Variants in NELL1 observed in about 807,000 individuals in gnomAD.
NELL1 encodes neural EGFL like 1.
Under a neutral mutation model 107.4 loss-of-function variants are expected in NELL1, and 76 were observed. The observed-to-expected ratio is 0.71, with a 90% CI of 0.59 to 0.86. The LOEUF (loss-of-function observed/expected upper bound fraction) is 0.86. Among genes scored for constraint, NELL1 ranks in the 40% least tolerant of loss-of-function variants. The pLI, the probability that NELL1 is intolerant of heterozygous loss-of-function variation, is 0.00. For missense variants in NELL1, 1,024 were observed against 1,005.5 expected (o/e 1.02, Z -0.25); for synonymous variants, 353 against 341.2 (o/e 1.03, Z -0.38).
At chr11:20,678,403 C>T (rs1317418897) in intron 2 of NELL1, among the ~76,000 whole-genome samples, 2 of 152,124 alleles carry the variant, frequency 1.3e-5, no homozygotes, top group African/African-American at 4.8e-5. Context: ...TGTACTTACA[C>T]CTATACCTAT....
At chr11:21,393,990 G>A (rs995708055) in intron 15 of NELL1, among the ~76,000 whole-genome samples, 2 of 151,616 alleles carry the variant, frequency 1.3e-5, no homozygotes, top group African/African-American at 4.8e-5. Context: ...CCTGGGGGCA[G>A]TAGAGCAGAC....
intron 12 of NELL1, among the ~76,000 whole-genome samples, chr11:20,998,872 G>A (rs1852151854): frequency 1.3e-5 from 2 of 152,090 alleles, no homozygotes; most frequent in Non-Finnish European, 2.9e-5. Context: ...TGCTTTTATG[G>A]AGCTCTTCCT....
At chr11:21,399,945 T>C (rs983067063) in intron 15 of NELL1, among the ~76,000 whole-genome samples, 6 of 151,836 alleles carry the variant, frequency 4.0e-5, no homozygotes, top group African/African-American at 1.4e-4. Context: ...TTTTTCCTCC[T>C]AGCTACTTTA....
intron 14 of NELL1, among the ~76,000 whole-genome samples, chr11:21,252,410 A>C (rs955722461): frequency 2.6e-5 from 4 of 152,158 alleles, no homozygotes; most frequent in Non-Finnish European, 5.9e-5. Flanking sequence ...GGGATCCAGA[A>C]GCACAGACCA....
intron 14 of NELL1, among the ~76,000 whole-genome samples, chr11:21,328,242 C>A (rs1457058559): frequency 1.3e-5 from 2 of 152,052 alleles, no homozygotes; most frequent in African/African-American, 4.8e-5. Context: ...ACAGGTTGTC[C>A]TATGTCCTAG....
intron 13 of NELL1, 104 bp downstream of exon 13, chr11:21,113,818 A>G: frequency 8.3e-7 from 1 of 1,202,754 alleles, no homozygotes; most frequent in Non-Finnish European, 1.1e-6. Context: ...ATTTTTATCT[A>G]AATAGTTCTT....
chr11:21,540,917 G>C (rs1296375291), intron 16 of NELL1, among the ~76,000 whole-genome samples: 1 of 152,034 alleles, frequency 6.6e-6, no homozygotes, highest in South Asian at 2.1e-4. Context: ...CCAATGTAGA[G>C]AACTACTGAC....
At chr11:20,913,797 T>C (rs1190146123) in intron 5 of NELL1, among the ~76,000 whole-genome samples, 3 of 122,918 alleles carry the variant, frequency 2.4e-5, no homozygotes, top group African/African-American at 9.3e-5. Flanking sequence ...ACACTAACAA[T>C]AAGAAAATGG....
chr11:21,037,581 C>T (rs1389044385), intron 12 of NELL1, among the ~76,000 whole-genome samples: 1 of 152,126 alleles, frequency 6.6e-6, no homozygotes, highest in East Asian at 1.9e-4. Context: ...CATAGAGCCC[C>T]AGCTTTATTT....
chr11:20,976,953 T>A (rs557645534), intron 12 of NELL1, among the ~76,000 whole-genome samples: 4 of 130,910 alleles, frequency 3.1e-5, no homozygotes, highest in Admixed American at 1.5e-4. Context: ...TGTGTGCAAA[T>A]TTTTTTTTTT....
chr11:21,152,911 A>T (rs1856151075), intron 13 of NELL1, among the ~76,000 whole-genome samples: 1 of 152,066 alleles, frequency 6.6e-6, no homozygotes, highest in African/African-American at 2.4e-5. Flanking sequence ...GTTTTTCTGC[A>T]TTTACATTGA....
chr11:20,938,419 T>C (rs11025819), intron 10 of NELL1, among the ~76,000 whole-genome samples: 9,238 of 152,276 alleles, frequency 0.061, 374 homozygotes, highest in East Asian at 0.2. Context: ...ACTGTCTTTA[T>C]AGAACTTGCA....
intron 2 of NELL1, among the ~76,000 whole-genome samples, chr11:20,710,395 C>G (rs966047722): frequency 6.6e-6 from 1 of 152,162 alleles, no homozygotes; most frequent in Non-Finnish European, 1.5e-5. Context: ...TGGTATGAAA[C>G]CCACTAGAAC....
chr11:21,533,605 G>A (rs55935979), intron 15 of NELL1, among the ~76,000 whole-genome samples: 25,157 of 151,994 alleles, frequency 0.17, 2,346 homozygotes, highest in African/African-American at 0.24. Context: ...TACATGAACC[G>A]GGTATTTGGT....
chr11:21,227,918 T>A (rs1857935968), intron 13 of NELL1, among the ~76,000 whole-genome samples: 1 of 152,196 alleles, frequency 6.6e-6, no homozygotes, highest in Non-Finnish European at 1.5e-5. Context: ...CATTACTGGG[T>A]CCCCATTAGG....
At chr11:21,108,158 C>T (rs961622427) in intron 12 of NELL1, among the ~76,000 whole-genome samples, 10 of 152,194 alleles carry the variant, frequency 6.6e-5, no homozygotes, top group East Asian at 1.9e-4. Context: ...TAAGTATATC[C>T]CTCCCTGGGT....
At chr11:20,895,147 C>T (rs2134121845) in intron 5 of NELL1, among the ~76,000 whole-genome samples, 1 of 142,644 alleles carries the variant, frequency 7.0e-6, no homozygotes, top group South Asian at 2.3e-4. Flanking sequence ...TGGCGGGCGC[C>T]TGTAGTCCCA....
intron 4 of NELL1, among the ~76,000 whole-genome samples, chr11:20,867,940 CCTCA>C (rs1314362956): frequency 2.0e-5 from 3 of 151,776 alleles, no homozygotes; most frequent in African/African-American, 7.3e-5. Flanking sequence ...TTTATTTTAC[CCTCA>C]CTCATATATA....
In NELL1 at chr11:21,484,601, AGAT is replaced by A. The variant is rs369985653; in HGVS notation, c.1646-49769_1646-49767del. Among the ~76,000 whole-genome samples the A allele has an allele frequency of 2.1e-3, 312 of 152,154 alleles. 2 individuals carry two copies. Among genetic ancestry groups the A allele is most frequent in the Admixed American group, 3.7e-3 (56 of 15,276 alleles). ...ATGGATATGTATATTTGTGTATAGT[AGAT>A]GATATGCATACATATCCATATATAC... On this transcript the variant is annotated intron_variant, in intron 15 of 19. Transcript: ENST00000357134.
Sources: gnomAD v4.1 joint callset for allele counts (sites outside exome capture counted in the v4.1 genomes callset) on GRCh38, gnomAD v4.1.1 for gene constraint, MANE v1.5 for transcripts, NCBI Gene and HGNC (gene_info 2026-07-23, HGNC 2026-07-21) for gene names.